PCDHA5: variants seen among roughly 807,000 people sequenced by gnomAD.
PCDHA5 encodes the protein protocadherin alpha 5.
Under a neutral mutation model 61.6 loss-of-function variants are expected in PCDHA5, and 43 were observed. That is an observed-to-expected ratio of 0.70 (90% CI 0.55 to 0.90). The LOEUF (loss-of-function observed/expected upper bound fraction) is 0.90, where lower values mean the gene tolerates loss of function less well. PCDHA5 is among the 40% of genes least tolerant of loss of function. The pLI is 0.00. For synonymous variants in PCDHA5, 627 were observed against 543.9 expected (o/e 1.15, Z -2.13); for missense variants, 1,298 against 1,222.7 (o/e 1.06, Z -0.92).
At chr5:140,908,662 G>C (rs1489476593) in intron 1 of PCDHA5, among the ~76,000 whole-genome samples, 4 of 152,114 alleles carry the variant, frequency 2.6e-5, no homozygotes, top group Non-Finnish European at 4.4e-5. Context: ...CCTGCCAAAG[G>C]CTCCAAATAG....
intron 1 of PCDHA5, chr5:140,927,386 C>T: frequency 6.2e-7 from 1 of 1,614,106 alleles, no homozygotes; most frequent in African/African-American, 1.3e-5. Flanking sequence ...AGCCTAAGCC[C>T]CAGTCAGCAC....
intron 1 of PCDHA5, chr5:140,863,191 G>A: frequency 1.2e-6 from 1 of 802,224 alleles, no homozygotes; most frequent in Non-Finnish European, 2.1e-6. Flanking sequence ...CACCGTGGTG[G>A]CGTCGCTGGC....
At chr5:141,006,950 T>G (rs1169196116) in intron 3 of PCDHA5, among the ~76,000 whole-genome samples, 1 of 152,148 alleles carries the variant, frequency 6.6e-6, no homozygotes, top group African/African-American at 2.4e-5. Flanking sequence ...AGATAGGCAG[T>G]TATACATGAG....
At chr5:140,911,709 G>A (rs1029382331) in intron 1 of PCDHA5, among the ~76,000 whole-genome samples, 1 of 151,822 alleles carries the variant, frequency 6.6e-6, no homozygotes, top group Non-Finnish European at 1.5e-5. Context: ...AATTTATTTT[G>A]TGTAACTCTG....
intron 3 of PCDHA5, among the ~76,000 whole-genome samples, chr5:140,987,622 TAGATG>T (rs1554249376): frequency 2.6e-5 from 4 of 152,328 alleles, no homozygotes; most frequent in African/African-American, 9.6e-5. Flanking sequence ...TTGGAAGAAT[TAGATG>T]AGATAATGCA....
Position 140,914,628 on chromosome 5 carries a change from G to A in PCDHA5, c.2353-64321G>A, listed in dbSNP as rs540654869. 1.3e-4 allele frequency among the ~76,000 whole-genome samples: 19 copies of A among 151,834 alleles called. No homozygotes were observed. The South Asian group carries it at 1.7e-3, about 13-fold the overall frequency. ...CTGCCATTTTGTAATTTGTTTTCTC[G>A]TGGTTTCATGGTCATCTCTCCCTTC... is the stretch of plus-strand genomic sequence containing the variant. On this transcript the variant is annotated intron_variant, in intron 1 of 3. Transcript: ENST00000529859.
intron 1 of PCDHA5, chr5:140,969,073 G>T (rs781937942): frequency 2.5e-6 from 4 of 1,614,092 alleles, no homozygotes; most frequent in South Asian, 2.2e-5. Flanking sequence ...CCAGGATACC[G>T]CATGGCCTCA....
chr5:140,842,007 T>C (rs2150327218), intron 1 of PCDHA5: 2 of 1,613,612 alleles, frequency 1.2e-6, no homozygotes, highest in East Asian at 2.2e-5. Flanking sequence ...GTTCAGCTGC[T>C]GGTCACAGTG....
chr5:140,912,746 A>T (rs1322674627), intron 1 of PCDHA5, among the ~76,000 whole-genome samples: 1 of 152,200 alleles, frequency 6.6e-6, no homozygotes, highest in Non-Finnish European at 1.5e-5. Flanking sequence ...TGGGTCTGTC[A>T]TAGATGGCTT....
At chr5:140,835,811 T>G (rs2150245385) in intron 1 of PCDHA5, 44 of 1,612,792 alleles carry the variant, frequency 2.7e-5, no homozygotes, top group African/African-American at 9.3e-5. Flanking sequence ...ACATCTTCAC[T>G]GTGTCGGCGG....
intron 1 of PCDHA5, among the ~76,000 whole-genome samples, chr5:140,837,869 G>A (rs1367921938): frequency 6.6e-6 from 1 of 151,606 alleles, no homozygotes; most frequent in African/African-American, 2.4e-5. Flanking sequence ...TGTAGAGACA[G>A]GGTGGAGTCT....
intron 3 of PCDHA5, among the ~76,000 whole-genome samples, chr5:141,006,304 C>T (rs528368169): frequency 7.9e-5 from 12 of 152,036 alleles, no homozygotes; most frequent in African/African-American, 2.7e-4. Context: ...CTCCACTTCC[C>T]GGGTTCATGC....
chr5:140,883,227 T>C (rs1367769120), intron 1 of PCDHA5: 2 of 1,613,830 alleles, frequency 1.2e-6, no homozygotes, highest in African/African-American at 2.7e-5. Flanking sequence ...GAAATATCCG[T>C]GGAGGCAGTT....
At chr5:140,887,629 T>C (rs2061519169) in intron 1 of PCDHA5, among the ~76,000 whole-genome samples, 1 of 152,128 alleles carries the variant, frequency 6.6e-6, no homozygotes, top group Non-Finnish European at 1.5e-5. Flanking sequence ...TTTATGTTAG[T>C]CTGTTGGGGT....
In PCDHA5 at chr5:140,883,753, G is replaced by A. The variant is rs945452765; in HGVS notation, c.2352+59626G>A. 5 of 1,613,010 alleles carry A rather than the reference G, an allele frequency of 3.1e-6. No homozygotes were observed. The African/African-American group carries it at 5.3e-5, about 17-fold the overall frequency. ...ACGCGCTGGTCTCCTACTCGCTGGT[G>A]GAGCGGCGGGTGGGCGAGCGTGCGC... is the stretch of plus-strand genomic sequence containing the variant. On this transcript the variant is annotated intron_variant, in intron 1 of 3. Transcript: ENST00000529859.
intron 1 of PCDHA5, chr5:140,927,030 A>T: frequency 6.2e-7 from 1 of 1,612,410 alleles, no homozygotes; most frequent in Non-Finnish European, 8.5e-7. Flanking sequence ...TGAGGCTGCC[A>T]GCGGCCGCTA....
intron 3 of PCDHA5, among the ~76,000 whole-genome samples, chr5:140,985,628 T>C (rs1399381029): frequency 6.6e-6 from 1 of 152,116 alleles, no homozygotes; most frequent in Non-Finnish European, 1.5e-5. Flanking sequence ...TGTGTATTGC[T>C]CTTCTCATCC....
At chr5:140,988,860 T>C (rs1270376752) in intron 3 of PCDHA5, 2 of 152,204 alleles carry the variant, frequency 1.3e-5, no homozygotes, top group South Asian at 2.1e-4. Flanking sequence ...TCCAGTCTCA[T>C]GTGCACTCAG....
At chr5:140,885,592 G>T (rs1428219345) in intron 1 of PCDHA5, among the ~76,000 whole-genome samples, 3 of 152,102 alleles carry the variant, frequency 2.0e-5, no homozygotes, top group Non-Finnish European at 2.9e-5. Flanking sequence ...ATGCATCAAA[G>T]ATATTAATAA....
Sources: gnomAD v4.1 joint callset for allele counts (sites outside exome capture counted in the v4.1 genomes callset) on GRCh38, gnomAD v4.1.1 for gene constraint, MANE v1.5 for transcripts, NCBI Gene and HGNC (gene_info 2026-07-23, HGNC 2026-07-21) for gene names.